Variants in HUNK observed in about 807,000 individuals in gnomAD.
The protein encoded by HUNK is hormonally up-regulated neu tumor-associated kinase.
HUNK carries 21 observed loss-of-function variants against 61.0 expected under a neutral mutation model. The observed-to-expected ratio is 0.34, with a 90% CI of 0.24 to 0.50. HUNK has a LOEUF of 0.50. Among genes scored for constraint, HUNK ranks in the 20% least tolerant of loss-of-function variants. The pLI is 0.98. For synonymous variants in HUNK, 371 were observed against 386.1 expected, an observed-to-expected ratio of 0.96 and a Z score of 0.46; for missense variants, 772 against 945.7, an observed-to-expected ratio of 0.82 and a Z score of 2.41.
At chr21:31,990,647 G>A (rs1256898135) in intron 9 of HUNK, among the ~76,000 whole-genome samples, 4 of 151,500 alleles carry the variant, frequency 2.6e-5, no homozygotes, top group South Asian at 2.1e-4. Flanking sequence ...GCAATTCTCC[G>A]GCCTCAGCCT....
In HUNK at chr21:31,974,583, G is replaced by A. The variant is rs1200488084; in HGVS notation, c.1039G>A (p.Val347Ile). The A allele has an allele frequency of 3.7e-6, 6 of 1,613,422 alleles. No individual in the cohort carries two copies. The African/African-American group carries it at 4.0e-5, about 11-fold the overall frequency. ...RISLEDLSPS[V>I]VLHMTEKLGY... ...TTCTCTGGAAGATCTGAGCCCGAGC[G>A]TCGTGCTGCACATGACCGAGAAGCT... The change falls in exon 7 of 11, where the codon GTC becomes ATC. Residue 347 changes from valine (V) to isoleucine (I), a missense_variant. Physicochemically the swap from Val to Ile is conservative, Grantham distance 29 (BLOSUM62 3). This residue lies in a region of HUNK where 359 missense variants were observed against 501.3 expected (regional missense o/e 0.72). Coordinates refer to ENST00000270112, the MANE Select transcript of HUNK (RefSeq NM_014586.2).
rs138476147 is a variant in HUNK, at chr21:31,996,335, G to A, written c.1486+387G>A. On this transcript the variant is annotated intron_variant, in intron 10 of 10. Coordinates refer to ENST00000270112, the MANE Select transcript of HUNK (RefSeq NM_014586.2). ...AGAGATGGGGTGCAGAGCAGAGACC[G>A]GGTATCTCCCTGAGTTCAAATCCCA... 7.4e-3 allele frequency among the ~76,000 whole-genome samples: 1,130 copies of A among 152,272 alleles called. 15 individuals are homozygous for A. Among genetic ancestry groups the A allele is most frequent in the African/African-American group, 0.026 (1,071 of 41,546 alleles).
chr21:31,899,231 C>G (rs1286569749), intron 1 of HUNK, among the ~76,000 whole-genome samples: 1 of 152,162 alleles, frequency 6.6e-6, no homozygotes, highest in Non-Finnish European at 1.5e-5. Context: ...TAGTGTCAAA[C>G]AACAGAAATT....
chr21:31,995,585 G>C (rs893260222), intron 9 of HUNK, among the ~76,000 whole-genome samples, 183 bp from the exon 10 acceptor site: 1 of 152,236 alleles, frequency 6.6e-6, no homozygotes, highest in African/African-American at 2.4e-5. Flanking sequence ...CCCAGGCAGA[G>C]GGAGATGGGC....
At chr21:31,968,753 T>TGTGTGTGTGA (rs1292780745) in intron 6 of HUNK, among the ~76,000 whole-genome samples, 4 of 115,548 alleles carry the variant, frequency 3.5e-5, no homozygotes, top group African/African-American at 9.1e-5. Context: ...TGTGTGTGTG[T>TGTGTGTGTGA]GAGAGAGAGA....
chr21:31,964,923 C>T (rs1825049516), intron 5 of HUNK, among the ~76,000 whole-genome samples: 1 of 152,140 alleles, frequency 6.6e-6, no homozygotes, highest in African/African-American at 2.4e-5. Flanking sequence ...TTTGAGGCAA[C>T]CCTGGGTTGT....
chr21:31,874,234 G>T (rs894899911), intron 1 of HUNK, among the ~76,000 whole-genome samples: 2 of 151,908 alleles, frequency 1.3e-5, no homozygotes, highest in Admixed American at 6.6e-5. Context: ...CACTAGCGCG[G>T]GGGGCGGGAT....
At chr21:31,978,791 TG>T (rs2053069743) in intron 7 of HUNK, among the ~76,000 whole-genome samples, 1 of 152,026 alleles carries the variant, frequency 6.6e-6, no homozygotes, top group African/African-American at 2.4e-5. Context: ...GAACATGGGG[TG>T]GGGGTGCATA....
rs114132153 is a variant in HUNK at position 31,955,627 on chromosome 21, T to C, written c.747-3216T>C. 5.9e-3 allele frequency among the ~76,000 whole-genome samples: 896 copies of C among 152,258 alleles called. 11 individuals are homozygous for C. The highest frequency in any genetic ancestry group is 0.02 in the African/African-American group (848 of 41,542). On this transcript the variant is annotated intron_variant, in intron 4 of 10. Transcript: ENST00000270112. ...AGAAATACCAAGGCAGACACTGAAA[T>C]TGGGTGTGTGTGGTGGAAGGTGTTC...
chr21:31,930,611 T>G (rs1414218453), intron 2 of HUNK, among the ~76,000 whole-genome samples: 1 of 152,228 alleles, frequency 6.6e-6, no homozygotes, highest in Admixed American at 6.5e-5. Flanking sequence ...TCTATCTGCC[T>G]TCTGCACAGG....
intron 1 of HUNK, among the ~76,000 whole-genome samples, chr21:31,914,445 C>A (rs1166811664): frequency 6.7e-6 from 1 of 148,656 alleles, no homozygotes; most frequent in African/African-American, 2.5e-5. Context: ...AAAGACCCGG[C>A]CCTAGCCCGC....
intron 1 of HUNK, among the ~76,000 whole-genome samples, chr21:31,902,051 A>G (rs893837951): frequency 1.3e-5 from 2 of 152,218 alleles, no homozygotes; most frequent in African/African-American, 2.4e-5. Context: ...TCATGAAGCC[A>G]TATAAACCTC....
At chr21:31,960,934 T>C (rs2052923719) in intron 5 of HUNK, among the ~76,000 whole-genome samples, 1 of 152,230 alleles carries the variant, frequency 6.6e-6, no homozygotes, top group Non-Finnish European at 1.5e-5. Flanking sequence ...CCATTGACCT[T>C]GTTCAGATTT....
At chr21:31,961,831 C>T (rs1343512314) in intron 5 of HUNK, among the ~76,000 whole-genome samples, 10 of 151,710 alleles carry the variant, frequency 6.6e-5, no homozygotes, top group African/African-American at 2.2e-4. Context: ...TCTTTGAACC[C>T]GATGACAGCC....
At chr21:31,883,705 C>G (rs1192048132) in intron 1 of HUNK, among the ~76,000 whole-genome samples, 1 of 152,112 alleles carries the variant, frequency 6.6e-6, no homozygotes, top group African/African-American at 2.4e-5. Context: ...TGCATGTAAA[C>G]ATATTTCTGA....
At chr21:31,959,808 A>C (rs981983529) in intron 5 of HUNK, among the ~76,000 whole-genome samples, 10 of 152,250 alleles carry the variant, frequency 6.6e-5, no homozygotes, top group African/African-American at 2.2e-4. Flanking sequence ...TGAGTTTAAA[A>C]GCATGCATGA....
chr21:31,918,533 G>A (rs1276737475), intron 1 of HUNK, among the ~76,000 whole-genome samples: 1 of 152,186 alleles, frequency 6.6e-6, no homozygotes, highest in Non-Finnish European at 1.5e-5. Context: ...GGAGATCAAG[G>A]TGTCAGTAGG....
chr21:31,995,136 G>GT (rs762945012), intron 9 of HUNK, among the ~76,000 whole-genome samples: 2 of 146,710 alleles, frequency 1.4e-5, no homozygotes, highest in Non-Finnish European at 3.0e-5. Flanking sequence ...CCCAGCCTGG[G>GT]TGATAGCACA....
At chr21:31,926,086 T>A (rs1469066790) in intron 2 of HUNK, among the ~76,000 whole-genome samples, 1 of 152,062 alleles carries the variant, frequency 6.6e-6, no homozygotes, top group Non-Finnish European at 1.5e-5. Flanking sequence ...GCCCGGCTAA[T>A]TTTTTATTTT....
Sources: gnomAD v4.1 joint callset for allele counts (sites outside exome capture counted in the v4.1 genomes callset) on GRCh38, gnomAD v4.1.1 for gene constraint, gnomAD v4.1.1 regional missense constraint, MANE v1.5 for transcripts, NCBI Gene and HGNC (gene_info 2026-07-23, HGNC 2026-07-21) for gene names.